Variants in ABCC9 observed in about 807,000 individuals in gnomAD.
The protein encoded by ABCC9 is ATP-binding cassette sub-family C member 9.
A neutral mutation model predicts 188.3 loss-of-function variants in ABCC9; 95 were observed. The ratio of observed to expected loss-of-function variants is 0.50; its 90% CI spans 0.43 to 0.60. The LOEUF is 0.60. ABCC9 is among the 20% of genes least tolerant of loss of function. The probability of loss-of-function intolerance (pLI) is 0.00; values close to 1 mark genes in which losing one functional copy is unlikely to be tolerated. For synonymous variants in ABCC9, 659 were observed against 652.7 expected, an observed-to-expected ratio of 1.01 and a Z score of -0.15; for missense variants, 1,102 against 1,876.3, an observed-to-expected ratio of 0.59 and a Z score of 7.62.
At chr12:21,801,611 T>C (rs1175472532) in intron 39 of ABCC9, among the ~76,000 whole-genome samples, 4 of 152,212 alleles carry the variant, frequency 2.6e-5, no homozygotes, top group African/African-American at 9.7e-5. Context: ...TGGAAAGTGG[T>C]TTAGTTCCGG....
chr12:21,809,922 A>G lies in ABCC9; in HGVS notation c.4245T>C (p.Asp1415=), dbSNP rs1276037232. 6.2e-7 allele frequency: 1 copy of G among 1,612,498 alleles called. No individual in the cohort carries two copies. The highest frequency in any genetic ancestry group is 1.3e-5 in the African/African-American group (1 of 74,884). The change falls in exon 37 of 40, where the codon GAT becomes GAC. Residue 1415 remains aspartate, a synonymous_variant. Transcript: ENST00000261200. ...TTTCTAAGGCTTCCCAGAGTCTGTC[A>G]TCTGTGCATTTGCACTCTGGATCTA... The part of the protein sequence containing the change: ...FNLDPECKCT[D]DRLWEALEIA...
chr12:21,850,905 C>A (rs1270079319), intron 24 of ABCC9, among the ~76,000 whole-genome samples: 1 of 152,000 alleles, frequency 6.6e-6, no homozygotes, highest in East Asian at 1.9e-4. Context: ...CAAATATCCT[C>A]ATTTCAATGG....
intron 2 of ABCC9, among the ~76,000 whole-genome samples, chr12:21,939,902 C>G (rs1024204612): frequency 6.6e-6 from 1 of 152,166 alleles, no homozygotes; most frequent in Non-Finnish European, 1.5e-5. Context: ...TGTTTTTATT[C>G]CTCGAAATGC....
chr12:21,903,315 C>G (rs1410346255), intron 12 of ABCC9, among the ~76,000 whole-genome samples: 1 of 152,110 alleles, frequency 6.6e-6, no homozygotes, highest in Non-Finnish European at 1.5e-5. Context: ...AAACCCACAG[C>G]CAATATCATA....
intron 31 of ABCC9, among the ~76,000 whole-genome samples, chr12:21,820,677 CA>C (rs368309253): frequency 4.6e-3 from 705 of 152,198 alleles, no homozygotes; most frequent in African/African-American, 0.016. Context: ...GGGAATACAT[CA>C]ACTTTGTTTC....
intron 29 of ABCC9, among the ~76,000 whole-genome samples, chr12:21,841,504 G>A (rs1944394024): frequency 1.3e-5 from 2 of 151,262 alleles, no homozygotes; most frequent in African/African-American, 2.4e-5. Flanking sequence ...GATTACAGGC[G>A]GGTGCCACCA....
chr12:21,929,167 G>A (rs527303956), intron 4 of ABCC9, among the ~76,000 whole-genome samples: 15 of 151,730 alleles, frequency 9.9e-5, no homozygotes, highest in East Asian at 3.9e-4. Context: ...ATCAGTAAAC[G>A]CAATAAAATT....
chr12:21,923,686 T>TA, intron 5 of ABCC9: 1 of 589,100 alleles, frequency 1.7e-6, no homozygotes, highest in Admixed American at 3.0e-5. Flanking sequence ...TAAAAAATGA[T>TA]ACAAACATTT....
At chr12:21,916,692 A>G (rs1171222727) in intron 6 of ABCC9, among the ~76,000 whole-genome samples, 1 of 152,216 alleles carries the variant, frequency 6.6e-6, no homozygotes, top group Non-Finnish European at 1.5e-5. Context: ...TGAGCATAAT[A>G]TCTGACACAT....
chr12:21,817,835 A>G (rs1002291080), intron 32 of ABCC9, among the ~76,000 whole-genome samples: 1 of 152,166 alleles, frequency 6.6e-6, no homozygotes, highest in African/African-American at 2.4e-5. Flanking sequence ...CATGAATAAG[A>G]GTTGGTAATA....
intron 22 of ABCC9, among the ~76,000 whole-genome samples, chr12:21,855,464 T>G (rs6487248): frequency 0.044 from 6,727 of 152,248 alleles, 210 homozygotes; most frequent in African/African-American, 0.079. Flanking sequence ...TCAACTGGTC[T>G]GCCTGCCTCA....
chr12:21,899,722 C>A (rs936563819), intron 12 of ABCC9, among the ~76,000 whole-genome samples: 2 of 152,188 alleles, frequency 1.3e-5, no homozygotes, highest in Admixed American at 1.3e-4. Context: ...GCTAGCACAG[C>A]AGTCTGAGAT....
chr12:21,801,697 A>G (rs1941444079), intron 39 of ABCC9, among the ~76,000 whole-genome samples: 1 of 152,228 alleles, frequency 6.6e-6, no homozygotes, highest in Non-Finnish European at 1.5e-5. Flanking sequence ...ATGCAGTCTC[A>G]GTCTTTGGAG....
intron 31 of ABCC9, among the ~76,000 whole-genome samples, chr12:21,822,582 G>A (rs537513745): frequency 6.6e-6 from 1 of 152,064 alleles, no homozygotes; most frequent in South Asian, 2.1e-4. Context: ...GTCAGATCAC[G>A]AGGTCAGGAG....
chr12:21,840,553 G>A (rs1944329165), intron 29 of ABCC9, among the ~76,000 whole-genome samples: 1 of 152,162 alleles, frequency 6.6e-6, no homozygotes, highest in Non-Finnish European at 1.5e-5. Flanking sequence ...AGGACCAAAT[G>A]AGTATGTGAT....
chr12:21,822,358 T>C (rs1399371036), intron 31 of ABCC9, among the ~76,000 whole-genome samples: 4 of 151,968 alleles, frequency 2.6e-5, no homozygotes, highest in Non-Finnish European at 5.9e-5. Context: ...TAGAGACTAC[T>C]GATCAGAATT....
intron 36 of ABCC9, 151 bp downstream of exon 36, chr12:21,811,898 C>A: frequency 1.5e-6 from 1 of 660,188 alleles, no homozygotes. Context: ...CAACTCTAGG[C>A]TTTTCCAATC....
intron 33 of ABCC9, among the ~76,000 whole-genome samples, chr12:21,816,495 G>A (rs1182907742): frequency 6.6e-6 from 1 of 152,128 alleles, no homozygotes; most frequent in Non-Finnish European, 1.5e-5. Context: ...CAGTGCCTGA[G>A]ATGAATTTTA....
intron 14 of ABCC9, among the ~76,000 whole-genome samples, chr12:21,890,183 C>T (rs1282606409): frequency 1.3e-5 from 2 of 152,074 alleles, no homozygotes; most frequent in African/African-American, 2.4e-5. Context: ...AAATCCTGAC[C>T]AAGGGTGAAG....
Sources: gnomAD v4.1 joint callset for allele counts (sites outside exome capture counted in the v4.1 genomes callset) on GRCh38, gnomAD v4.1.1 for gene constraint, MANE v1.5 for transcripts, NCBI Gene and HGNC (gene_info 2026-07-23, HGNC 2026-07-21) for gene names.